Variants in ST6GALNAC3 observed in about 807,000 individuals in gnomAD.
ST6GALNAC3 encodes the protein alpha-N-acetylgalactosaminide alpha-2,6-sialyltransferase 3.
Under a neutral mutation model 32.7 loss-of-function variants are expected in ST6GALNAC3, and 25 were observed. The ratio of observed to expected loss-of-function variants is 0.76; its 90% confidence interval spans 0.56 to 1.07. ST6GALNAC3 has a LOEUF of 1.07. ST6GALNAC3 is among the 50% of genes least tolerant of loss of function. The pLI is 0.00. For missense variants in ST6GALNAC3, 355 were observed against 382.4 expected, an observed-to-expected ratio of 0.93 and a Z score of 0.60; for synonymous variants, 129 against 133.1, an observed-to-expected ratio of 0.97 and a Z score of 0.21.
intron 3 of ST6GALNAC3, among the ~76,000 whole-genome samples, chr1:76,521,037 G>A (rs1360155284): frequency 6.6e-6 from 1 of 151,716 alleles, no homozygotes; most frequent in East Asian, 1.9e-4. Context: ...TCATTCAATA[G>A]TTTATTATCT....
chr1:76,529,579 A>G lies in ST6GALNAC3; in HGVS notation c.624-97873A>G, dbSNP rs571350438. On this transcript the variant is annotated intron_variant, in intron 3 of 4. Coordinates refer to ENST00000328299, the MANE Select transcript of ST6GALNAC3 (RefSeq NM_152996.4). ...CAAATAAAAGTTTAGCCCAATCCCA[A>G]TTATCTCTACTTTTCTCATACCAGT... Among the ~76,000 whole-genome samples, 4 of 152,274 alleles carry G rather than the reference A, an allele frequency of 2.6e-5. No individual in the cohort carries two copies. In the East Asian group the frequency reaches 7.7e-4, roughly 29 times the overall value.
chr1:76,601,673 A>T (rs1647242905), intron 3 of ST6GALNAC3, among the ~76,000 whole-genome samples: 1 of 152,232 alleles, frequency 6.6e-6, no homozygotes, highest in Admixed American at 6.5e-5. Flanking sequence ...AGGAGTAAAC[A>T]ACCAGTCAGT....
intron 3 of ST6GALNAC3, among the ~76,000 whole-genome samples, chr1:76,531,779 G>A (rs901794840): frequency 8.5e-5 from 13 of 152,116 alleles, no homozygotes; most frequent in African/African-American, 2.7e-4. Flanking sequence ...ACTTCATGAC[G>A]TGGGAGGTCA....
chr1:76,110,425 T>A (rs1408176274), intron 1 of ST6GALNAC3, among the ~76,000 whole-genome samples: 1 of 152,254 alleles, frequency 6.6e-6, no homozygotes, highest in African/African-American at 2.4e-5. Context: ...TTTGCCCTAT[T>A]TTTGAATCAT....
intron 1 of ST6GALNAC3, among the ~76,000 whole-genome samples, chr1:76,246,423 T>C (rs1657262762): frequency 6.6e-6 from 1 of 152,222 alleles, no homozygotes; most frequent in African/African-American, 2.4e-5. Context: ...AAGGTTAGTA[T>C]TTTTATGTGT....
chr1:76,424,027 G>T (rs577971592), intron 3 of ST6GALNAC3, among the ~76,000 whole-genome samples: 1 of 152,042 alleles, frequency 6.6e-6, no homozygotes, highest in East Asian at 1.9e-4. Context: ...GAAGGTAAAT[G>T]CAAAACAAAG....
chr1:76,566,371 A>G (rs1488968036), intron 3 of ST6GALNAC3, among the ~76,000 whole-genome samples: 1 of 152,130 alleles, frequency 6.6e-6, no homozygotes, highest in African/African-American at 2.4e-5. Context: ...TGCAATCAAA[A>G]TCTTCCTTCC....
At chr1:76,628,285 T>G (rs1458367796) in intron 4 of ST6GALNAC3, among the ~76,000 whole-genome samples, 2 of 151,974 alleles carry the variant, frequency 1.3e-5, no homozygotes, top group East Asian at 3.9e-4. Flanking sequence ...TGAGCCAATA[T>G]CTTACTGTGA....
intron 3 of ST6GALNAC3, among the ~76,000 whole-genome samples, chr1:76,449,029 G>A (rs913402399): frequency 6.6e-6 from 1 of 152,032 alleles, no homozygotes; most frequent in Non-Finnish European, 1.5e-5. Context: ...CACTATGTTG[G>A]CCAGGCTGGT....
At chr1:76,337,324 G>C (rs911361151) in intron 2 of ST6GALNAC3, among the ~76,000 whole-genome samples, 15 of 152,224 alleles carry the variant, frequency 9.9e-5, no homozygotes, top group Admixed American at 3.9e-4. Context: ...GGCAAGAGGG[G>C]TGCCAGATGT....
At chr1:76,428,181 T>C (rs900363855) in intron 3 of ST6GALNAC3, among the ~76,000 whole-genome samples, 5 of 152,098 alleles carry the variant, frequency 3.3e-5, no homozygotes, top group African/African-American at 4.8e-5. Flanking sequence ...GGATGAATCA[T>C]ACGGTTCATC....
intron 3 of ST6GALNAC3, among the ~76,000 whole-genome samples, chr1:76,482,850 T>C (rs899060585): frequency 3.3e-5 from 5 of 151,642 alleles, no homozygotes; most frequent in African/African-American, 1.2e-4. Flanking sequence ...ACATTAGTTA[T>C]ATCTCCTAAT....
intron 2 of ST6GALNAC3, among the ~76,000 whole-genome samples, chr1:76,324,075 G>T (rs1460420276): frequency 6.6e-6 from 1 of 151,770 alleles, no homozygotes; most frequent in Non-Finnish European, 1.5e-5. Flanking sequence ...GCCCAAGGTG[G>T]TCTCGAACTC....
intron 1 of ST6GALNAC3, among the ~76,000 whole-genome samples, chr1:76,173,595 G>T (rs1246224009): frequency 6.6e-6 from 1 of 152,162 alleles, no homozygotes; most frequent in Admixed American, 6.5e-5. Context: ...ATCTGACAAA[G>T]GTCTAATATC....
intron 3 of ST6GALNAC3, among the ~76,000 whole-genome samples, chr1:76,461,937 A>G (rs1356127413): frequency 6.6e-6 from 1 of 152,136 alleles, no homozygotes; most frequent in Non-Finnish European, 1.5e-5. Flanking sequence ...GTTCTGAAAA[A>G]GCAAGCTGGG....
At chr1:76,208,190 GC>G (rs1654940326) in intron 1 of ST6GALNAC3, among the ~76,000 whole-genome samples, 1 of 152,218 alleles carries the variant, frequency 6.6e-6, no homozygotes, top group South Asian at 2.1e-4. Flanking sequence ...CCTGAGGTCT[GC>G]CTGGCACCAC....
At chr1:76,437,509 C>CT (rs995700937) in intron 3 of ST6GALNAC3, among the ~76,000 whole-genome samples, 26 of 146,498 alleles carry the variant, frequency 1.8e-4, no homozygotes, top group East Asian at 6.1e-4. Context: ...CCAATGAAGT[C>CT]TTTTTTTTTT....
intron 3 of ST6GALNAC3, among the ~76,000 whole-genome samples, chr1:76,606,187 G>A (rs1647534276): frequency 6.6e-6 from 1 of 152,028 alleles, no homozygotes; most frequent in Non-Finnish European, 1.5e-5. Flanking sequence ...AACCAGAAAA[G>A]CCATTTGACC....
intron 3 of ST6GALNAC3, among the ~76,000 whole-genome samples, chr1:76,579,510 C>A (rs551944693): frequency 6.6e-6 from 1 of 152,168 alleles, no homozygotes; most frequent in South Asian, 2.1e-4. Flanking sequence ...TTATCTAATG[C>A]ATCATACATT....
Sources: gnomAD v4.1 joint callset for allele counts (sites outside exome capture counted in the v4.1 genomes callset) on GRCh38, gnomAD v4.1.1 for gene constraint, MANE v1.5 for transcripts, NCBI Gene and HGNC (gene_info 2026-07-23, HGNC 2026-07-21) for gene names.